Variants in GABBR1 observed in about 807,000 individuals in gnomAD.
GABBR1 encodes gamma-aminobutyric acid type B receptor subunit 1, also known as GABA-B receptor, R1 subunit.
A neutral mutation model predicts 117.7 loss-of-function variants in GABBR1; 35 were observed. The ratio of observed to expected loss-of-function variants is 0.30; its 90% CI spans 0.23 to 0.39. The LOEUF (loss-of-function observed/expected upper bound fraction) is 0.39. Among genes scored for constraint, GABBR1 ranks in the 10% least tolerant of loss-of-function variants. The pLI is 1.00. For missense variants in GABBR1, 709 were observed against 1,241.8 expected (o/e 0.57, Z 6.45); for synonymous variants, 442 against 486.6 (o/e 0.91, Z 1.21).
intron 6 of GABBR1, among the ~76,000 whole-genome samples, chr6:29,625,861 C>T (rs1480039791): frequency 6.6e-6 from 1 of 152,172 alleles, no homozygotes; most frequent in Non-Finnish European, 1.5e-5. Context: ...CCAATGATCT[C>T]TCTGACTGTC....
At chr6:29,625,713 C>T (rs190993110) in intron 6 of GABBR1, among the ~76,000 whole-genome samples, 31 of 152,260 alleles carry the variant, frequency 2.0e-4, no homozygotes, top group African/African-American at 7.0e-4. Context: ...GTCTGCTCCC[C>T]GCCACCTCCA....
Position 29,609,077 on chromosome 6 carries a change from TG to T in GABBR1, c.1859+151del. 1.3e-6 allele frequency: 1 copy of T among 792,774 alleles called. No individual in the cohort carries two copies. Among genetic ancestry groups the T allele is most frequent in the East Asian group, 2.7e-5 (1 of 37,264 alleles). 49.1% of individuals were successfully genotyped at this position (792,774 alleles called of 1,614,324 possible). The stretch of plus-strand genomic sequence containing the variant: ...TTGGAGTAGGAGTGGGGGTTATATC[TG>T]GTTTCCCTGTTTTCATTCTCAACAA... On this transcript the variant is annotated intron_variant, in intron 15 of 22. Coordinates refer to ENST00000377034, the MANE Select transcript of GABBR1 (RefSeq NM_001470.4). The surrounding 1 kb of genome is among the most constrained non-coding windows in gnomAD (Gnocchi z 4.3).
rs144352835 is a variant in GABBR1 at position 29,626,322 on chromosome 6, C to T, written c.657+1164G>A. Among the ~76,000 whole-genome samples, 631 of 152,258 alleles carry T rather than the reference C, an allele frequency of 4.1e-3. 2 individuals carry two copies. Among genetic ancestry groups the T allele is most frequent in the Middle Eastern group, 0.017 (5 of 294 alleles). On this transcript the variant is annotated intron_variant, in intron 6 of 22. Transcript: ENST00000377034. ...AAAATGAATATAAATCCTTGGATCA[C>T]CCCAAGGTTGATATTTGGTAAGATC...
At chr6:29,628,715 G>A (rs1188685480) in intron 5 of GABBR1, among the ~76,000 whole-genome samples, 1 of 152,112 alleles carries the variant, frequency 6.6e-6, no homozygotes, top group Non-Finnish European at 1.5e-5. Context: ...GAGGCAGCAG[G>A]CTGGAAAAGG....
chr6:29,628,988 C>T, intron 5 of GABBR1, 99 bp downstream of exon 5: 2 of 1,426,082 alleles, frequency 1.4e-6, no homozygotes, highest in Non-Finnish European at 2.0e-6. Flanking sequence ...TGCGAAAGGA[C>T]GACGCCCCGT....
chr6:29,610,856 C>CAAAG, intron 14 of GABBR1, 68 bp downstream of exon 14: 1 of 1,372,112 alleles, frequency 7.3e-7, no homozygotes, highest in South Asian at 1.2e-5. Context: ...CATCCTCACT[C>CAAAG]AAAGGCATGA....
In GABBR1 at chr6:29,602,692, T is replaced by C. The variant is rs1372427045; in HGVS notation, c.*851A>G. 3.2e-6 allele frequency: 1 copy of C among 315,614 alleles called. No individual in the cohort carries two copies. Among genetic ancestry groups the C allele is most frequent in the Non-Finnish European group, 6.1e-6 (1 of 163,422 alleles). The allele number at this position is 315,614 out of a possible 1,614,324, so 19.6% of individuals were successfully genotyped here. A position where few individuals can be genotyped will look rare whatever the true frequency, so the allele number is the denominator to read the frequency against. On this transcript the variant is annotated 3_prime_UTR_variant, in exon 23 of 23. Transcript: ENST00000377034. ...AAGGGAAGAAAGTACACAAGGTACATGGAGGGTACACAGGGAAAGTACATG... is the reference window on the plus strand; with the variant it reads ...AAGGGAAGAAAGTACACAAGGTACACGGAGGGTACACAGGGAAAGTACATG...
Position 29,631,838 on chromosome 6 carries a change from G to A in GABBR1, c.86-239C>T, listed in dbSNP as rs1476316267. 6.6e-6 allele frequency among the ~76,000 whole-genome samples: 1 copy of A among 152,108 alleles called. No individual in the cohort carries two copies. The highest frequency in any genetic ancestry group is 1.9e-4 in the East Asian group (1 of 5,184). ...GAGAACCCACAAGTGGGGAGGGAAGGGTGCTGGGTGGAGGTAAGAAAGAAA... is the reference window on the plus strand; with the variant it reads ...GAGAACCCACAAGTGGGGAGGGAAGAGTGCTGGGTGGAGGTAAGAAAGAAA... On this transcript the variant is annotated intron_variant, in intron 2 of 22. Coordinates refer to ENST00000377034, the MANE Select transcript of GABBR1 (RefSeq NM_001470.4). The surrounding 1 kb of genome is among the most constrained non-coding windows in gnomAD (Gnocchi z 5.9).
rs150020884 is a variant in GABBR1, at chr6:29,610,764, T to C, written c.1708+160A>G. Among the ~76,000 whole-genome samples, 121 of 152,240 alleles carry C rather than the reference T, an allele frequency of 7.9e-4. 1 individual carries two copies. The highest frequency in any genetic ancestry group is 7.1e-3 in the South Asian group (34 of 4,822). On this transcript the variant is annotated intron_variant, in intron 14 of 22. Coordinates refer to ENST00000377034, the MANE Select transcript of GABBR1 (RefSeq NM_001470.4). ...ACACCAGTCTCCCCTACCCACGCCT[T>C]AGGGGTTGTATTCACTCTCACTTAA...
rs148560561 is a variant in GABBR1 at position 29,620,392 on chromosome 6, G to A, written c.1323+709C>T. Among the ~76,000 whole-genome samples, 200 of 152,286 alleles carry A rather than the reference G, an allele frequency of 1.3e-3. 1 individual carries two copies. Among genetic ancestry groups the A allele is most frequent in the Admixed American group, 4.1e-3 (62 of 15,300 alleles). On this transcript the variant is annotated intron_variant, in intron 11 of 22. Coordinates refer to ENST00000377034, the MANE Select transcript of GABBR1 (RefSeq NM_001470.4). The surrounding 1 kb of genome is among the most constrained non-coding windows in gnomAD (Gnocchi z 4.5). Reference sequence around the variant, plus strand: ...GTAATAAGCAGACACATAGGTGGCCGTATCGAGCTTACCCAAAATTCCTGT... The same window carrying A: ...GTAATAAGCAGACACATAGGTGGCCATATCGAGCTTACCCAAAATTCCTGT...
chr6:29,627,624 C>A lies in GABBR1; in HGVS notation c.519G>T (p.Gly173=). ...PHSERRAVYI[G]ALFPMSGGWP... ...AGCCCCCGCTCATGGGAAACAGTGC[C>A]CCGATGTACACTGCGCGCCGTTCTG... The change falls in exon 6 of 23, where the codon GGG becomes GGT. Residue 173 remains glycine, a synonymous_variant. Coordinates refer to ENST00000377034, the MANE Select transcript of GABBR1 (RefSeq NM_001470.4). The surrounding 1 kb of genome is among the most constrained non-coding windows in gnomAD (Gnocchi z 4.4). 1 of 1,561,302 alleles carries A rather than the reference C, an allele frequency of 6.4e-7. No individual in the cohort carries two copies.
chr6:29,623,419 G>A lies in GABBR1; in HGVS notation c.849C>T (p.Phe283=). 6.2e-7 allele frequency: 1 copy of A among 1,614,164 alleles called. No homozygotes were observed. The highest frequency in any genetic ancestry group is 8.5e-7 in the Non-Finnish European group (1 of 1,180,032). The change falls in exon 8 of 23, where the codon TTC becomes TTT. Residue 283 remains phenylalanine (F), a synonymous_variant. Transcript: ENST00000377034. The surrounding 1 kb of genome is among the most constrained non-coding windows in gnomAD (Gnocchi z 6.2). ...ALSNRQRFPT[F]FRTHPSATLH... ...GTGTGGCTGATGGGTGCGTTCGGAA[G>A]AAAGTGGGGAAACGCTGCCGGTTTG...
chr6:29,620,890 T>C lies in GABBR1; in HGVS notation c.1323+211A>G, dbSNP rs1242916625. 8.5e-6 allele frequency among the ~76,000 whole-genome samples: 1 copy of C among 117,884 alleles called. No homozygotes were observed. Among genetic ancestry groups the C allele is most frequent in the Non-Finnish European group, 1.9e-5 (1 of 52,748 alleles). 77.3% of individuals were successfully genotyped at this position (117,884 alleles called of 152,430 possible). A position where few individuals can be genotyped will look rare whatever the true frequency, so the allele number is the denominator to read the frequency against. Reference sequence around the variant, plus strand: ...ACCTACTGAACATACAACTCCATCGTTTTTTTTTTTTTCTCTCTCTACCCA... The same window carrying C: ...ACCTACTGAACATACAACTCCATCGCTTTTTTTTTTTTCTCTCTCTACCCA... On this transcript the variant is annotated intron_variant, in intron 11 of 22. Transcript: ENST00000377034. The surrounding 1 kb of genome is among the most constrained non-coding windows in gnomAD (Gnocchi z 4.5).
intron 22 of GABBR1, among the ~76,000 whole-genome samples, 162 bp from the exon 23 acceptor site, chr6:29,603,878 C>A (rs1012340521): frequency 6.6e-6 from 1 of 151,704 alleles, no homozygotes; most frequent in South Asian, 2.1e-4. Context: ...AAGGAGAAAT[C>A]AAAACAGAAC....
chr6:29,605,872 A>C lies in GABBR1; in HGVS notation c.2312-176T>G, dbSNP rs1388187355. The C allele has an allele frequency of 1.5e-6, 1 of 679,642 alleles. No individual in the cohort carries two copies. The highest frequency in any genetic ancestry group is 2.7e-5 in the East Asian group (1 of 36,690). The allele number at this position is 679,642 out of a possible 1,614,324, so 42.1% of individuals were successfully genotyped here. ...TGTCCCCTATCCCTTATGTCCACCC[A>C]ACTTGCCCAGACCACATCACTTTTT... On this transcript the variant is annotated intron_variant, in intron 19 of 22. Coordinates refer to ENST00000377034, the MANE Select transcript of GABBR1 (RefSeq NM_001470.4). The surrounding 1 kb of genome is among the most constrained non-coding windows in gnomAD (Gnocchi z 4.2).
chr6:29,632,568 A>C lies in GABBR1; in HGVS notation c.1-183T>G. On this transcript the variant is annotated intron_variant, in intron 1 of 22. Coordinates refer to ENST00000377034, the MANE Select transcript of GABBR1 (RefSeq NM_001470.4). The surrounding 1 kb of genome is among the most constrained non-coding windows in gnomAD (Gnocchi z 5.8). ...GCGCGGGGTGGGGGGAGAGGAGGAG[A>C]GAAAGCCTGTCCCCACCCTCCTCCT... is the stretch of plus-strand genomic sequence containing the variant. 1 of 922,130 alleles carries C rather than the reference A, an allele frequency of 1.1e-6. No homozygotes were observed. Among genetic ancestry groups the C allele is most frequent in the Non-Finnish European group, 1.5e-6 (1 of 654,872 alleles). 57.1% of individuals were successfully genotyped at this position (922,130 alleles called of 1,614,324 possible). A position where few individuals can be genotyped will look rare whatever the true frequency, so the allele number is the denominator to read the frequency against.
In GABBR1 at chr6:29,630,107, T is replaced by A. The variant is rs1296155820; in HGVS notation, c.475+351A>T. Reference sequence around the variant, plus strand: ...ATGAATTCTAGAAGAGGGTGATGCATGGAAATTTCTAAGTTTAGAGAAAGG... The same window carrying A: ...ATGAATTCTAGAAGAGGGTGATGCAAGGAAATTTCTAAGTTTAGAGAAAGG... On this transcript the variant is annotated intron_variant, in intron 4 of 22. Coordinates refer to ENST00000377034, the MANE Select transcript of GABBR1 (RefSeq NM_001470.4). The surrounding 1 kb of genome is among the most constrained non-coding windows in gnomAD (Gnocchi z 4.9). The A allele has an allele frequency of 4.0e-6, 1 of 248,730 alleles. No individual in the cohort carries two copies. Among genetic ancestry groups the A allele is most frequent in the African/African-American group, 2.2e-5 (1 of 45,076 alleles). 15.4% of individuals were successfully genotyped at this position (248,730 alleles called of 1,614,324 possible).
chr6:29,629,431 C>T (rs575551619), intron 4 of GABBR1, among the ~76,000 whole-genome samples: 1 of 152,268 alleles, frequency 6.6e-6, no homozygotes, highest in South Asian at 2.1e-4. Flanking sequence ...ATTACACATA[C>T]AATTGGCTTT....
intron 6 of GABBR1, among the ~76,000 whole-genome samples, chr6:29,625,482 C>T (rs1764176763): frequency 6.6e-6 from 1 of 152,176 alleles, no homozygotes; most frequent in African/African-American, 2.4e-5. Flanking sequence ...TTCCCTCTTC[C>T]ACACACTATT....
Sources: gnomAD v4.1 joint callset for allele counts (sites outside exome capture counted in the v4.1 genomes callset) on GRCh38, gnomAD v4.1.1 for gene constraint, Gnocchi (gnomAD v3.1) non-coding constraint, MANE v1.5 for transcripts, NCBI Gene and HGNC (gene_info 2026-07-23, HGNC 2026-07-21) for gene names.